ZBTB20: variants seen among roughly 807,000 people sequenced by gnomAD.
ZBTB20 encodes the protein zinc finger and BTB domain-containing protein 20.
Under a neutral mutation model 56.9 loss-of-function variants are expected in ZBTB20, and 9 were observed. The observed-to-expected ratio is 0.16, with a 90% CI of 0.10 to 0.28. ZBTB20 has a LOEUF of 0.28. Among genes scored for constraint, ZBTB20 ranks in the 10% least tolerant of loss-of-function variants. ZBTB20 has a pLI of 1.00. For synonymous variants in ZBTB20, 417 were observed against 420.7 expected, an observed-to-expected ratio of 0.99 and a Z score of 0.11; for missense variants, 655 against 1,003.0, an observed-to-expected ratio of 0.65 and a Z score of 4.69.
At chr3:114,971,276 C>T (rs1318730601) in intron 3 of ZBTB20, among the ~76,000 whole-genome samples, 1 of 152,076 alleles carries the variant, frequency 6.6e-6, no homozygotes, top group African/African-American at 2.4e-5. Context: ...AACTCAACTC[C>T]CTAAAACTGA....
At chr3:114,497,186 C>T (rs916068310) in intron 7 of ZBTB20, among the ~76,000 whole-genome samples, 5 of 152,248 alleles carry the variant, frequency 3.3e-5, no homozygotes, top group South Asian at 2.1e-4. Context: ...CCCTACTGCA[C>T]AGTTCAGGCC....
chr3:114,649,902 T>C (rs1375405382), intron 6 of ZBTB20, among the ~76,000 whole-genome samples: 1 of 151,898 alleles, frequency 6.6e-6, no homozygotes, highest in African/African-American at 2.4e-5. Context: ...CAATATACAC[T>C]ACATTTTGGG....
At chr3:114,424,208 G>A (rs1199875370) in intron 7 of ZBTB20, among the ~76,000 whole-genome samples, 2 of 152,170 alleles carry the variant, frequency 1.3e-5, no homozygotes, top group Non-Finnish European at 2.9e-5. Context: ...GGGTAAACAT[G>A]CAATTTAGGA....
At chr3:114,978,362 C>T (rs1317215589) in intron 2 of ZBTB20, among the ~76,000 whole-genome samples, 1 of 149,154 alleles carries the variant, frequency 6.7e-6, no homozygotes, top group Non-Finnish European at 1.5e-5. Flanking sequence ...AAATAAGAAG[C>T]TAAAATACAT....
At chr3:114,488,908 A>G (rs894635552) in intron 7 of ZBTB20, among the ~76,000 whole-genome samples, 19 of 152,156 alleles carry the variant, frequency 1.2e-4, no homozygotes, top group Non-Finnish European at 1.9e-4. Flanking sequence ...TATATTTATT[A>G]ACATGGTAAA....
chr3:115,002,260 A>G (rs1460270931), intron 2 of ZBTB20, among the ~76,000 whole-genome samples: 1 of 151,568 alleles, frequency 6.6e-6, no homozygotes, highest in Non-Finnish European at 1.5e-5. Flanking sequence ...ACAATGCAAA[A>G]CTGTAAAACT....
At chr3:114,732,481 T>A (rs906563793) in intron 5 of ZBTB20, among the ~76,000 whole-genome samples, 22 of 152,004 alleles carry the variant, frequency 1.4e-4, no homozygotes, top group African/African-American at 5.3e-4. Flanking sequence ...TAGAGGAAAA[T>A]GTACTATGAT....
intron 4 of ZBTB20, among the ~76,000 whole-genome samples, chr3:114,803,637 A>G (rs1210171166): frequency 1.3e-5 from 2 of 151,916 alleles, no homozygotes; most frequent in Non-Finnish European, 1.5e-5. Flanking sequence ...GTCACTATAT[A>G]GTGGGGTTAT....
At chr3:114,853,934 G>A (rs916712765) in intron 4 of ZBTB20, among the ~76,000 whole-genome samples, 1 of 152,108 alleles carries the variant, frequency 6.6e-6, no homozygotes, top group African/African-American at 2.4e-5. Flanking sequence ...GGCATTTGTT[G>A]TAAGTAAATT....
intron 2 of ZBTB20, among the ~76,000 whole-genome samples, chr3:115,038,192 G>A (rs10511340): frequency 0.049 from 7,530 of 152,188 alleles, 626 homozygotes; most frequent in African/African-American, 0.17. Context: ...GAAAATCTAC[G>A]TTAGCTCTAA....
chr3:114,350,187 A>G, intron 11 of ZBTB20, 87 bp downstream of exon 11: 1 of 1,507,914 alleles, frequency 6.6e-7, no homozygotes, highest in Non-Finnish European at 8.9e-7. Context: ...ATGATCCCAA[A>G]CCTTCCCTTC....
chr3:115,073,757 T>C (rs2082496778), intron 1 of ZBTB20, among the ~76,000 whole-genome samples: 1 of 151,780 alleles, frequency 6.6e-6, no homozygotes, highest in Admixed American at 6.6e-5. Context: ...AAATTAACCG[T>C]ATACAATAAA....
chr3:114,431,113 G>A (rs2108887219), intron 7 of ZBTB20, among the ~76,000 whole-genome samples: 2 of 152,182 alleles, frequency 1.3e-5, no homozygotes, highest in Middle Eastern at 6.8e-3. Flanking sequence ...GATAGGAAAA[G>A]AAAACGAAAA....
chr3:114,970,396 A>G (rs2077823843), intron 3 of ZBTB20, among the ~76,000 whole-genome samples: 1 of 152,248 alleles, frequency 6.6e-6, no homozygotes, highest in Admixed American at 6.5e-5. Flanking sequence ...TGGGTATTTT[A>G]GGGAATGGTA....
intron 11 of ZBTB20, among the ~76,000 whole-genome samples, chr3:114,345,171 A>G (rs981847233): frequency 6.6e-6 from 1 of 152,186 alleles, no homozygotes; most frequent in Non-Finnish European, 1.5e-5. Context: ...ATTTTATTTC[A>G]ATAGTTTTTG....
At chr3:114,857,280 A>T (rs1025232660) in intron 4 of ZBTB20, among the ~76,000 whole-genome samples, 1 of 152,192 alleles carries the variant, frequency 6.6e-6, no homozygotes, top group African/African-American at 2.4e-5. Context: ...GCCACCTTCT[A>T]AGTGCTCTCT....
chr3:114,475,784 C>T (rs989694696), intron 7 of ZBTB20, among the ~76,000 whole-genome samples: 2 of 152,094 alleles, frequency 1.3e-5, no homozygotes, highest in Non-Finnish European at 2.9e-5. Context: ...AAATATGTAG[C>T]ATTATTTTTA....
chr3:114,744,096 G>A (rs767927480), intron 5 of ZBTB20, among the ~76,000 whole-genome samples: 1 of 152,090 alleles, frequency 6.6e-6, no homozygotes, highest in Non-Finnish European at 1.5e-5. Context: ...TAATCACAAT[G>A]AACCTTTTAA....
chr3:114,981,076 C>T (rs1019331725), intron 2 of ZBTB20, among the ~76,000 whole-genome samples: 14 of 151,530 alleles, frequency 9.2e-5, no homozygotes, highest in African/African-American at 3.1e-4. Context: ...GCCTCTGGGA[C>T]GATGAAAAAA....
Sources: allele counts gnomAD v4.1 joint callset (sites outside exome capture counted in the v4.1 genomes callset), GRCh38; gene constraint gnomAD v4.1.1; transcripts MANE v1.5; gene names NCBI Gene and HGNC (gene_info 2026-07-23, HGNC 2026-07-21).